TMEM183A: variants seen among roughly 807,000 people sequenced by gnomAD.
The protein encoded by TMEM183A is chromosome 1 open reading frame 37.
A neutral mutation model predicts 46.7 loss-of-function variants in TMEM183A; 21 were observed. That is an observed-to-expected ratio of 0.45 (90% CI 0.32 to 0.65). The LOEUF (loss-of-function observed/expected upper bound fraction) is 0.65. TMEM183A is among the 30% of genes least tolerant of loss of function. TMEM183A has a pLI of 0.04. For missense variants in TMEM183A, 331 were observed against 481.9 expected (o/e 0.69, Z 2.93); for synonymous variants, 165 against 180.2 (o/e 0.92, Z 0.68).
intron 1 of TMEM183A, 30 bp from the exon 2 acceptor site, chr1:203,007,744 T>G: frequency 6.2e-7 from 1 of 1,611,790 alleles, no homozygotes. Context: ...AGAGAAGGCC[T>G]CTTCCTTGAG....
Position 203,020,955 on chromosome 1 carries a change from G to A in TMEM183A, c.945+7G>A, listed in dbSNP as rs1657613549. The A allele has an allele frequency of 6.3e-7, 1 of 1,576,756 alleles. No individual in the cohort carries two copies. The highest frequency in any genetic ancestry group is 8.6e-7 in the Non-Finnish European group (1 of 1,164,424). ...GGGAATGATATTTACTCTGGTAAGTGGGGACTCAGGATGTCATTCTCAGCT... is the reference window on the plus strand; with the variant it reads ...GGGAATGATATTTACTCTGGTAAGTAGGGACTCAGGATGTCATTCTCAGCT... On this transcript the variant is annotated splice_region_variant and intron_variant, in intron 7 of 7. Transcript: ENST00000367242.
rs1324061545 is a variant in TMEM183A at position 203,018,514 on chromosome 1, AACAG to A, written c.747_750del (p.Gln250AsnfsTer17). 19 of 1,612,750 alleles carry A rather than the reference AACAG, an allele frequency of 1.2e-5. No individual in the cohort carries two copies. The Admixed American group carries it at 3.2e-4, about 27-fold the overall frequency. On this transcript the variant is annotated frameshift_variant, in exon 6 of 8. Coordinates refer to ENST00000367242, the MANE Select transcript of TMEM183A (RefSeq NM_138391.6). LOFTEE classifies it high-confidence loss of function. ...TTTCTGGTGCAGAAAGATTGTTGGG[AACAG>A]ACAGGAACCAATGTGGGAATTCAAC...
At chr1:203,018,332 CTG>C (rs1480575066) in intron 5 of TMEM183A, 147 bp from the exon 6 acceptor site, 6 of 888,372 alleles carry the variant, frequency 6.8e-6, no homozygotes, top group African/African-American at 1.7e-5. Context: ...GGGGGTCTAT[CTG>C]TGCCAAAGTA....
intron 5 of TMEM183A, chr1:203,017,671 G>T: frequency 2.2e-6 from 2 of 919,452 alleles, no homozygotes; most frequent in Non-Finnish European, 2.6e-6. Context: ...GGCATTCAGG[G>T]AGTTGCCAGC....
rs996398112 is a variant in TMEM183A, at chr1:203,018,330, A to C, written c.709-151A>C. On this transcript the variant is annotated intron_variant, in intron 5 of 7. Transcript: ENST00000367242. ...TGCACCAGTGTCAACTTGGGGGTCTATCTGTGCCAAAGTAAAATCTCAGCA... is the reference window on the plus strand; with the variant it reads ...TGCACCAGTGTCAACTTGGGGGTCTCTCTGTGCCAAAGTAAAATCTCAGCA... 1.9e-5 allele frequency: 17 copies of C among 874,302 alleles called. No homozygotes were observed. The African/African-American group carries it at 2.9e-4, about 15-fold the overall frequency. The allele number at this position is 874,302 out of a possible 1,614,324, so 54.2% of individuals were successfully genotyped here.
intron 7 of TMEM183A, 80 bp from the exon 8 acceptor site, chr1:203,022,775 C>G: frequency 6.3e-7 from 1 of 1,577,266 alleles, no homozygotes; most frequent in South Asian, 1.1e-5. Flanking sequence ...ATAAATTAGT[C>G]TGGACTATTT....
chr1:203,015,931 A>G, intron 4 of TMEM183A, 29 bp from the exon 5 acceptor site: 1 of 1,606,530 alleles, frequency 6.2e-7, no homozygotes, highest in Non-Finnish European at 8.5e-7. Flanking sequence ...CAGGTCACAT[A>G]TTGGTAGGAG....
At position 203,013,911 on chromosome 1, in the gene TMEM183A, C is replaced by G. The variant is rs1178472664; in HGVS notation, c.368-978C>G. 6.6e-6 allele frequency among the ~76,000 whole-genome samples: 1 copy of G among 152,070 alleles called. No individual in the cohort carries two copies. The highest frequency in any genetic ancestry group is 6.5e-5 in the Admixed American group (1 of 15,278). On this transcript the variant is annotated intron_variant, in intron 3 of 7. Coordinates refer to ENST00000367242, the MANE Select transcript of TMEM183A (RefSeq NM_138391.6). The surrounding 1 kb of genome is among the most constrained non-coding windows in gnomAD (Gnocchi z 4.0). ...GCTGGATTACAGGCACGTGCCACCA[C>G]GCCCAGCTAATTTTTGTATTTTTAG...
At position 203,024,721 on chromosome 1, in the gene TMEM183A, G is replaced by C. The variant is rs1658039308; in HGVS notation, c.*1681G>C. 1 of 152,182 alleles carries C rather than the reference G, an allele frequency of 6.6e-6. No homozygotes were observed. The allele number at this position is 152,182 out of a possible 1,614,324, so 9.4% of individuals were successfully genotyped here. ...AAGTTGCCTCTTTGAGGCAGGAGGG[G>C]AGAAGCACAGTCCCTGCCAGGTTGC... On this transcript the variant is annotated 3_prime_UTR_variant, in exon 8 of 8. Transcript: ENST00000367242.
rs769722436 is a variant in TMEM183A, at chr1:203,024,749, G to C, written c.*1709G>C. On this transcript the variant is annotated 3_prime_UTR_variant, in exon 8 of 8. Transcript: ENST00000367242. The stretch of plus-strand genomic sequence containing the variant: ...AAGCACAGTCCCTGCCAGGTTGCCT[G>C]AACTAAAGATGCCATGGAGCAGGAG... 1 of 152,172 alleles carries C rather than the reference G, an allele frequency of 6.6e-6. No homozygotes were observed. Among genetic ancestry groups the C allele is most frequent in the Non-Finnish European group, 1.5e-5 (1 of 68,034 alleles). 9.4% of individuals were successfully genotyped at this position (152,172 alleles called of 1,614,324 possible).
chr1:203,016,018 C>A lies in TMEM183A; in HGVS notation c.586C>A (p.Leu196Met), dbSNP rs935380024. ...TCTGCGACCAGAGTCAATGGAGAAG[C>A]TGCGCTGTCTCCGGGCTTGTGTGAT... ...LRLRPESMEK[L>M]RCLRACVIRS... The change falls in exon 5 of 8, where the codon CTG (leucine) becomes ATG (methionine). Residue 196 changes from leucine to methionine, a missense_variant. Leu to Met is a conservative substitution (Grantham distance 15, BLOSUM62 2). Transcript: ENST00000367242. The A allele has an allele frequency of 2.5e-6, 4 of 1,614,064 alleles. No individual in the cohort carries two copies. In the Admixed American group the frequency reaches 6.7e-5, roughly 27 times the overall value.
Position 203,024,276 on chromosome 1 carries a change from C to T in TMEM183A, c.*1236C>T, listed in dbSNP as rs1053431283. 6 of 152,098 alleles carry T rather than the reference C, an allele frequency of 3.9e-5. 1 individual carries two copies. Among genetic ancestry groups the T allele is most frequent in the African/African-American group, 1.2e-4 (5 of 41,400 alleles). 9.4% of individuals were successfully genotyped at this position (152,098 alleles called of 1,614,324 possible). On this transcript the variant is annotated 3_prime_UTR_variant, in exon 8 of 8. Transcript: ENST00000367242. ...ATGTCCTCCTGTTGTTTAGATGACTCCTATTGTTCAGGTGTACTCTGAGAA... is the reference window on the plus strand; with the variant it reads ...ATGTCCTCCTGTTGTTTAGATGACTTCTATTGTTCAGGTGTACTCTGAGAA...
At chr1:203,021,386 T>C (rs1424492126) in intron 7 of TMEM183A, among the ~76,000 whole-genome samples, 4 of 152,184 alleles carry the variant, frequency 2.6e-5, no homozygotes, top group Admixed American at 1.3e-4. Flanking sequence ...AATTTAACCA[T>C]GAAGGAAGGT....
chr1:203,011,365 A>G (rs927427719), intron 3 of TMEM183A, among the ~76,000 whole-genome samples: 2 of 152,138 alleles, frequency 1.3e-5, no homozygotes, highest in African/African-American at 4.8e-5. Context: ...CCTGATGGCT[A>G]ATGATATTTG....
intron 7 of TMEM183A, 79 bp downstream of exon 7, chr1:203,021,027 CTTTTTT>C: frequency 4.0e-5 from 28 of 697,254 alleles, no homozygotes; most frequent in East Asian, 3.6e-4. Context: ...AACCGCAGCT[CTTTTTT>C]TTTTTTTTTT....
At chr1:203,010,197 C>T (rs1250717015) in intron 3 of TMEM183A, among the ~76,000 whole-genome samples, 3 of 151,662 alleles carry the variant, frequency 2.0e-5, no homozygotes, top group Non-Finnish European at 4.4e-5. Flanking sequence ...CTCAGATTTA[C>T]CAGCACTTTC....
rs547915265 is a variant in TMEM183A at position 203,008,317 on chromosome 1, C to T, written c.200-326C>T. On this transcript the variant is annotated intron_variant, in intron 2 of 7. Coordinates refer to ENST00000367242, the MANE Select transcript of TMEM183A (RefSeq NM_138391.6). Reference sequence around the variant, plus strand: ...TGGATTCAATTTGTCTCAAACATTTCTCTGTAGACCTTATGAGAATACAAA... The same window carrying T: ...TGGATTCAATTTGTCTCAAACATTTTTCTGTAGACCTTATGAGAATACAAA... Among the ~76,000 whole-genome samples, 51 of 152,308 alleles carry T rather than the reference C, an allele frequency of 3.3e-4. 2 individuals carry two copies. Among genetic ancestry groups the T allele is most frequent in the African/African-American group, 1.2e-3 (49 of 41,548 alleles).
At chr1:203,016,590 T>A (rs554961411) in intron 5 of TMEM183A, among the ~76,000 whole-genome samples, 8 of 152,308 alleles carry the variant, frequency 5.3e-5, no homozygotes, top group African/African-American at 1.9e-4. Context: ...ATTGTTGACC[T>A]CCTTAAGGAT....
rs1462214403 is a variant in TMEM183A at position 203,023,595 on chromosome 1, C to T, written c.*555C>T. On this transcript the variant is annotated 3_prime_UTR_variant, in exon 8 of 8. Transcript: ENST00000367242. Reference sequence around the variant, plus strand: ...AATAATTTGTGATATTTATTGCATACATTTTCTTTTGGCAGTTTTGGATTT... The same window carrying T: ...AATAATTTGTGATATTTATTGCATATATTTTCTTTTGGCAGTTTTGGATTT... 2.6e-5 allele frequency: 4 copies of T among 152,924 alleles called. No homozygotes were observed. 9.5% of individuals were successfully genotyped at this position (152,924 alleles called of 1,614,324 possible).
Sources: gnomAD v4.1 joint callset for allele counts (sites outside exome capture counted in the v4.1 genomes callset) on GRCh38, gnomAD v4.1.1 for gene constraint, Gnocchi (gnomAD v3.1) non-coding constraint, MANE v1.5 for transcripts, NCBI Gene and HGNC (gene_info 2026-07-23, HGNC 2026-07-21) for gene names.